Variants in IRAG2 observed in about 807,000 individuals in gnomAD.
The protein encoded by IRAG2 is inositol 1,4,5-triphosphate receptor associated 2, also known as lymphoid restricted membrane protein.
IRAG2 carries 45 observed loss-of-function variants against 69.9 expected under a neutral mutation model. That is an observed-to-expected ratio of 0.64 (90% confidence interval 0.51 to 0.83). The LOEUF (loss-of-function observed/expected upper bound fraction) is 0.83, where lower values mean the gene tolerates loss of function less well. IRAG2 is among the 40% of genes least tolerant of loss of function. IRAG2 has a pLI of 0.00. For missense variants in IRAG2, 520 were observed against 587.0 expected (o/e 0.89, Z 1.18); for synonymous variants, 193 against 202.4 (o/e 0.95, Z 0.40).
intron 7 of IRAG2, 49 bp downstream of exon 7, chr12:25,079,339 G>T: frequency 5.0e-6 from 8 of 1,610,688 alleles, no homozygotes; most frequent in Non-Finnish European, 6.8e-6. Context: ...TATTTAGTTG[G>T]TTTTAAGAGA....
intron 10 of IRAG2, chr12:25,030,956 A>G: frequency 1.1e-6 from 1 of 872,382 alleles, no homozygotes; most frequent in Non-Finnish European, 1.4e-6. Context: ...GATTAGATAG[A>G]TACATAGATA....
chr12:25,063,470 T>C (rs1945766373), intron 3 of IRAG2, among the ~76,000 whole-genome samples: 1 of 152,244 alleles, frequency 6.6e-6, no homozygotes, highest in African/African-American at 2.4e-5. Context: ...TTGGAGTTGA[T>C]GATGTTAGCA....
At chr12:25,012,530 G>A (rs557698937) in intron 3 of IRAG2, among the ~76,000 whole-genome samples, 1 of 151,880 alleles carries the variant, frequency 6.6e-6, no homozygotes, top group Non-Finnish European at 1.5e-5. Context: ...GCTAGGATTT[G>A]CTTAAAGAAA....
chr12:25,073,960 T>G (rs1476791754), intron 6 of IRAG2, among the ~76,000 whole-genome samples: 2 of 152,264 alleles, frequency 1.3e-5, no homozygotes, highest in African/African-American at 4.8e-5. Flanking sequence ...TGTCTACTTT[T>G]GTATTTATCT....
intron 15 of IRAG2, among the ~76,000 whole-genome samples, chr12:25,097,943 G>A (rs1310496969): frequency 6.6e-6 from 1 of 152,044 alleles, no homozygotes; most frequent in Non-Finnish European, 1.5e-5. Flanking sequence ...TCAGTTTTAG[G>A]TATTATCTGT....
In IRAG2 at chr12:25,083,429, G is replaced by A. The variant is rs968171182; in HGVS notation, c.251G>A (p.Ser84Asn). Reference sequence around the variant, plus strand: ...TGTTTCCTGTTTCTCACAGGCACAAGTCCAGCTCATGATAATATTGCATTC... The same window carrying A: ...TGTTTCCTGTTTCTCACAGGCACAAATCCAGCTCATGATAATATTGCATTC... ...ASPTIEAQGT[S>N]PAHDNIAFQD... The change falls in exon 10 of 22, where the codon AGT becomes AAT. Residue 84 changes from serine to asparagine, a missense_variant. Ser to Asn is a conservative substitution (Grantham distance 46). Transcript: ENST00000556887. 9.9e-6 allele frequency: 16 copies of A among 1,610,378 alleles called. No individual in the cohort carries two copies. Among genetic ancestry groups the A allele is most frequent in the Non-Finnish European group, 1.4e-5 (16 of 1,176,732 alleles).
intron 10 of IRAG2, among the ~76,000 whole-genome samples, chr12:25,085,333 GTGGGAAGGTGGTATGGAA>G (rs879848803): frequency 0.02 from 2,473 of 121,364 alleles, 31 homozygotes; most frequent in South Asian, 0.046. Context: ...GGGGGATGGA[GTGGGAAGGTGGTATGGAA>G]TGGGAAGGGG....
At chr12:25,056,984 C>T (rs1390391613) in intron 1 of IRAG2, among the ~76,000 whole-genome samples, 1 of 152,194 alleles carries the variant, frequency 6.6e-6, no homozygotes, top group Non-Finnish European at 1.5e-5. Context: ...TCCAATCATA[C>T]TCCCTCCTGT....
chr12:25,054,323 T>C (rs1945085637), intron 1 of IRAG2, among the ~76,000 whole-genome samples: 1 of 152,160 alleles, frequency 6.6e-6, no homozygotes, highest in African/African-American at 2.4e-5. Context: ...ATTCCAAAGT[T>C]GGTTTAAGGT....
chr12:25,017,447 G>A (rs1210438574), intron 6 of IRAG2, among the ~76,000 whole-genome samples: 1 of 152,074 alleles, frequency 6.6e-6, no homozygotes, highest in East Asian at 1.9e-4. Context: ...GCTGGGCATG[G>A]TGACTCATGC....
rs747347415 is a variant in IRAG2, at chr12:25,089,806, AT to A, written c.465+24del. 4.4e-6 allele frequency: 7 copies of A among 1,608,674 alleles called. No homozygotes were observed. The highest frequency in any genetic ancestry group is 1.1e-5 in the South Asian group (1 of 90,840). Reference sequence around the variant, plus strand: ...GGAGGTGGAGGTGAGTTTAAAGCAAATTTTTTTTCCTTTTAAAAAAGTGTTC... The same window carrying A: ...GGAGGTGGAGGTGAGTTTAAAGCAAATTTTTTTCCTTTTAAAAAAGTGTTC... On this transcript the variant is annotated intron_variant, in intron 13 of 21. Transcript: ENST00000556887.
At chr12:25,013,203 G>A (rs781543440) in intron 3 of IRAG2, among the ~76,000 whole-genome samples, 5 of 152,154 alleles carry the variant, frequency 3.3e-5, no homozygotes, top group Non-Finnish European at 7.3e-5. Flanking sequence ...TTGGCCGGGG[G>A]TGGTGGCTCG....
intron 10 of IRAG2, among the ~76,000 whole-genome samples, chr12:25,085,594 G>A (rs909156252): frequency 6.6e-6 from 1 of 152,178 alleles, no homozygotes; most frequent in Non-Finnish European, 1.5e-5. Context: ...GAGGGGCATG[G>A]TAGGCCAGAG....
chr12:25,013,697 A>G (rs1944495432), intron 3 of IRAG2, among the ~76,000 whole-genome samples: 1 of 152,114 alleles, frequency 6.6e-6, no homozygotes, highest in Non-Finnish European at 1.5e-5. Context: ...ATAATATTTG[A>G]TAAGAGAAAT....
intron 2 of IRAG2, among the ~76,000 whole-genome samples, chr12:25,062,446 T>G (rs1034405437): frequency 2.0e-5 from 3 of 152,222 alleles, no homozygotes; most frequent in Admixed American, 6.5e-5. Flanking sequence ...AATATAACTA[T>G]GATAGATGTG....
At chr12:24,998,756 A>G in the IRAG2 span, among the ~76,000 whole-genome samples, 3 of 152,226 alleles carry the variant, frequency 2.0e-5, no homozygotes, top group Admixed American at 6.5e-5. Context: ...TAGATGAATC[A>G]TGAATGATTG....
chr12:25,100,024 A>AAAAAAAAAAG (rs1948664196), intron 15 of IRAG2, among the ~76,000 whole-genome samples: 1 of 140,658 alleles, frequency 7.1e-6, no homozygotes, highest in Non-Finnish European at 1.6e-5. Flanking sequence ...AAAAAAAAAA[A>AAAAAAAAAAG]ATGGGCAAAA....
At chr12:25,032,528 A>G (rs1048952926) in intron 12 of IRAG2, among the ~76,000 whole-genome samples, 4 of 152,206 alleles carry the variant, frequency 2.6e-5, no homozygotes, top group East Asian at 1.9e-4. Flanking sequence ...TGAGTTTTCT[A>G]TGACCCCTGA....
chr12:25,005,359 G>C, intron 2 of IRAG2: 1 of 1,182,282 alleles, frequency 8.5e-7, no homozygotes, highest in Non-Finnish European at 1.1e-6. Context: ...GGAAAGGTAA[G>C]CTAAAAATTA....
Sources: gnomAD v4.1 joint callset for allele counts (sites outside exome capture counted in the v4.1 genomes callset) on GRCh38, gnomAD v4.1.1 for gene constraint, MANE v1.5 for transcripts, NCBI Gene and HGNC (gene_info 2026-07-23, HGNC 2026-07-21) for gene names.